Variants in FGF12 observed in about 807,000 individuals in gnomAD.
FGF12 encodes the protein fibroblast growth factor 12, also known as fibroblast growth factor 12B.
FGF12 carries 14 observed loss-of-function variants against 23.6 expected under a neutral mutation model. The ratio of observed to expected loss-of-function variants is 0.59; its 90% CI spans 0.39 to 0.93. The LOEUF is 0.93. FGF12 is among the 40% of genes least tolerant of loss of function. FGF12 has a pLI of 0.00. For missense variants in FGF12, 175 were observed against 217.8 expected, an observed-to-expected ratio of 0.80 and a Z score of 1.24; for synonymous variants, 62 against 77.3, an observed-to-expected ratio of 0.80 and a Z score of 1.04.
Position 192,190,545 on chromosome 3 carries a change from G to A in FGF12, c.229-19889C>T, listed in dbSNP as rs973847242. Among the ~76,000 whole-genome samples, 15 of 130,182 alleles carry A rather than the reference G, an allele frequency of 1.2e-4. 1 individual carries two copies. Among genetic ancestry groups the A allele is most frequent in the African/African-American group, 4.9e-4 (15 of 30,630 alleles). The allele number at this position is 130,182 out of a possible 152,430, so 85.4% of individuals were successfully genotyped here. A position where few individuals can be genotyped will look rare whatever the true frequency, so the allele number is the denominator to read the frequency against. ...GGCTGGAGTGCAGTGGCGGGATCTC[G>A]GCTCACTGCAAACTCCGCCTCCCGG... On this transcript the variant is annotated intron_variant, in intron 4 of 5. Coordinates refer to ENST00000445105, the MANE Select transcript of FGF12 (RefSeq NM_004113.6).
intron 2 of FGF12, among the ~76,000 whole-genome samples, chr3:192,401,175 A>T (rs1300000096): frequency 6.6e-6 from 1 of 152,254 alleles, no homozygotes; most frequent in East Asian, 1.9e-4. Context: ...ATTAATGAAA[A>T]GACTGGTTTG....
intron 4 of FGF12, among the ~76,000 whole-genome samples, chr3:192,273,946 C>A (rs1160646156): frequency 6.6e-6 from 1 of 151,796 alleles, no homozygotes; most frequent in Non-Finnish European, 1.5e-5. Flanking sequence ...GTGAAAAATG[C>A]CTGTCATCAG....
At chr3:192,286,749 TTTAA>T (rs1009296459) in intron 4 of FGF12, among the ~76,000 whole-genome samples, 1 of 152,028 alleles carries the variant, frequency 6.6e-6, no homozygotes, top group Non-Finnish European at 1.5e-5. Context: ...TTGATTTTTG[TTTAA>T]TTATCTTCAT....
chr3:192,422,115 G>A (rs774691605), intron 2 of FGF12, among the ~76,000 whole-genome samples: 9 of 151,700 alleles, frequency 5.9e-5, no homozygotes, highest in Admixed American at 1.3e-4. Context: ...AACTGTTGGT[G>A]AACAGTTTTG....
rs577569411 is a variant in FGF12, at chr3:192,411,833, T to C, written c.14-51295A>G. Among the ~76,000 whole-genome samples the C allele has an allele frequency of 1.8e-4, 27 of 152,310 alleles. 1 individual carries two copies. In the South Asian group the frequency reaches 5.6e-3, roughly 32 times the overall value. The stretch of plus-strand genomic sequence containing the variant: ...GGACTTGAGGAAATTATTGCTAAAT[T>C]TGGAGTCTCTTTTATATTCTCAAAA... On this transcript the variant is annotated intron_variant, in intron 2 of 5. Coordinates refer to ENST00000445105, the MANE Select transcript of FGF12 (RefSeq NM_004113.6).
At chr3:192,677,949 T>C (rs1717387794) in intron 2 of FGF12, among the ~76,000 whole-genome samples, 1 of 152,222 alleles carries the variant, frequency 6.6e-6, no homozygotes, top group African/African-American at 2.4e-5. Context: ...AGTAATTGTA[T>C]TGGTAGTGAG....
chr3:192,376,018 C>A (rs1719477085), intron 2 of FGF12, among the ~76,000 whole-genome samples: 1 of 152,116 alleles, frequency 6.6e-6, no homozygotes, highest in African/African-American at 2.4e-5. Context: ...TAAGAATCCA[C>A]ATGATGGGAA....
rs561016750 is a variant in FGF12 at position 192,536,294 on chromosome 3, C to G, written c.14-175756G>C. 2.6e-5 allele frequency among the ~76,000 whole-genome samples: 4 copies of G among 152,230 alleles called. No individual in the cohort carries two copies. In the East Asian group the frequency reaches 5.8e-4, roughly 22 times the overall value. On this transcript the variant is annotated intron_variant, in intron 2 of 5. Transcript: ENST00000445105. ...AGCCTAAAATATTTACTATCTGGCTCTTAGCAGAAAAGGACTGCTAACCTC... is the reference window on the plus strand; with the variant it reads ...AGCCTAAAATATTTACTATCTGGCTGTTAGCAGAAAAGGACTGCTAACCTC...
At chr3:192,622,691 C>A (rs1428872854) in intron 2 of FGF12, among the ~76,000 whole-genome samples, 3 of 152,184 alleles carry the variant, frequency 2.0e-5, no homozygotes, top group Non-Finnish European at 4.4e-5. Context: ...TGGAAAAGCA[C>A]AGATGCATTT....
chr3:192,637,937 TAAG>T (rs1715645534), intron 2 of FGF12, among the ~76,000 whole-genome samples: 1 of 152,194 alleles, frequency 6.6e-6, no homozygotes, highest in Non-Finnish European at 1.5e-5. Context: ...AGAAACTTGC[TAAG>T]AAGGGGAAAA....
intron 4 of FGF12, among the ~76,000 whole-genome samples, chr3:192,278,533 C>A (rs1001771503): frequency 5.3e-5 from 8 of 152,264 alleles, no homozygotes; most frequent in African/African-American, 1.2e-4. Context: ...CTGGTCAAGA[C>A]AGAGGAGAAT....
chr3:192,448,096 C>T (rs1264728345), intron 2 of FGF12, among the ~76,000 whole-genome samples: 1 of 152,202 alleles, frequency 6.6e-6, no homozygotes, highest in Non-Finnish European at 1.5e-5. Flanking sequence ...TGTGTATACA[C>T]ATACACATAT....
intron 2 of FGF12, among the ~76,000 whole-genome samples, chr3:192,602,872 C>CTTG (rs1714173788): frequency 6.6e-6 from 1 of 151,942 alleles, no homozygotes; most frequent in African/African-American, 2.4e-5. Context: ...TAGGAGGCAA[C>CTTG]GTTGGTTCAA....
At chr3:192,492,702 G>C in intron 2 of FGF12, among the ~76,000 whole-genome samples, 1 of 152,172 alleles carries the variant, frequency 6.6e-6, no homozygotes. Flanking sequence ...TTGATTAAAA[G>C]AGAAAGGATC....
intron 4 of FGF12, among the ~76,000 whole-genome samples, chr3:192,298,770 C>G (rs1304811673): frequency 2.0e-5 from 3 of 152,106 alleles, no homozygotes; most frequent in Non-Finnish European, 4.4e-5. Context: ...GTTTATTTTA[C>G]TGATGGTTCT....
chr3:192,252,462 C>CAAAAAAAAAAAAAAAA (rs56920518), intron 4 of FGF12, among the ~76,000 whole-genome samples: 10 of 27,508 alleles, frequency 3.6e-4, no homozygotes, highest in African/African-American at 7.7e-4. Flanking sequence ...GAATCTGTCT[C>CAAAAAAAAAAAAAAAA]AAAAAAAAAA....
chr3:192,291,682 T>C (rs1714766395), intron 4 of FGF12, among the ~76,000 whole-genome samples: 1 of 152,246 alleles, frequency 6.6e-6, no homozygotes, highest in Non-Finnish European at 1.5e-5. Context: ...ACTGGCTTAC[T>C]AATACAGAGC....
intron 4 of FGF12, among the ~76,000 whole-genome samples, chr3:192,211,642 G>A (rs1717937730): frequency 6.6e-6 from 1 of 151,950 alleles, no homozygotes; most frequent in African/African-American, 2.4e-5. Context: ...GGCCAGGCTG[G>A]TCATGAACCC....
chr3:192,716,697 T>C (rs1330850321), intron 2 of FGF12, among the ~76,000 whole-genome samples: 1 of 152,228 alleles, frequency 6.6e-6, no homozygotes, highest in Non-Finnish European at 1.5e-5. Flanking sequence ...GCAGCTGTAA[T>C]TATTAAGTAC....
Sources: allele counts gnomAD v4.1 joint callset (sites outside exome capture counted in the v4.1 genomes callset), GRCh38; gene constraint gnomAD v4.1.1; transcripts MANE v1.5; gene names NCBI Gene and HGNC (gene_info 2026-07-23, HGNC 2026-07-21).